Variants in LRMDA observed in about 807,000 individuals in gnomAD.
The protein encoded by LRMDA is leucine-rich melanocyte differentiation-associated protein.
LRMDA carries 18 observed loss-of-function variants against 29.8 expected under a neutral mutation model. The observed-to-expected ratio is 0.60, with a 90% CI of 0.42 to 0.90. The LOEUF is 0.90. Ranked by LOEUF, LRMDA falls within the 40% of genes least tolerant of loss-of-function variation. LRMDA has a pLI of 0.00. For missense variants in LRMDA, 273 were observed against 273.9 expected (o/e 1.00, Z 0.02); for synonymous variants, 125 against 109.4 (o/e 1.14, Z -0.89).
At chr10:75,772,203 G>A (rs1372393338) in intron 2 of LRMDA, among the ~76,000 whole-genome samples, 1 of 152,110 alleles carries the variant, frequency 6.6e-6, no homozygotes, top group African/African-American at 2.4e-5. Flanking sequence ...TTTACTTCAT[G>A]TTTGCTTTTA....
intron 5 of LRMDA, among the ~76,000 whole-genome samples, chr10:76,177,411 A>C (rs202115366): frequency 1.3e-5 from 2 of 151,284 alleles, no homozygotes; most frequent in Non-Finnish European, 3.0e-5. Flanking sequence ...CAAAAAAAAA[A>C]CAACAAAAAA....
chr10:75,520,063 G>C (rs1294923621), intron 2 of LRMDA, among the ~76,000 whole-genome samples: 1 of 152,110 alleles, frequency 6.6e-6, no homozygotes, highest in Non-Finnish European at 1.5e-5. Flanking sequence ...TAGTCTGATG[G>C]GCTTCCCTTT....
intron 2 of LRMDA, among the ~76,000 whole-genome samples, chr10:76,010,169 T>C (rs530591738): frequency 6.6e-6 from 1 of 152,274 alleles, no homozygotes; most frequent in Admixed American, 6.5e-5. Context: ...AGAGGCAAGC[T>C]GGTGGCCTTA....
chr10:75,623,267 G>T (rs1403143462), intron 2 of LRMDA, among the ~76,000 whole-genome samples: 1 of 152,226 alleles, frequency 6.6e-6, no homozygotes, highest in Non-Finnish European at 1.5e-5. Flanking sequence ...CAGCCTGGCA[G>T]AGCTTTCTTC....
chr10:76,289,953 C>G (rs993088315), intron 5 of LRMDA, among the ~76,000 whole-genome samples: 1 of 152,246 alleles, frequency 6.6e-6, no homozygotes, highest in Non-Finnish European at 1.5e-5. Flanking sequence ...TGAGGGGGAG[C>G]ATTTACATCA....
chr10:75,882,607 G>C (rs1448269521), intron 2 of LRMDA: 1 of 152,334 alleles, frequency 6.6e-6, no homozygotes, highest in Non-Finnish European at 1.5e-5. Context: ...ATGAATCAGA[G>C]GTGACATCCA....
At chr10:76,368,482 A>G (rs528618107) in intron 6 of LRMDA, among the ~76,000 whole-genome samples, 3 of 151,910 alleles carry the variant, frequency 2.0e-5, no homozygotes, top group Non-Finnish European at 2.9e-5. Context: ...TATAATTTCA[A>G]TTTTCTTAAA....
intron 2 of LRMDA, among the ~76,000 whole-genome samples, chr10:75,991,696 ATGT>A (rs548116805): frequency 9.0e-4 from 137 of 152,348 alleles, no homozygotes; most frequent in African/African-American, 3.1e-3. Flanking sequence ...GGAAGTAGTG[ATGT>A]TGTGTCTCAC....
chr10:75,817,500 A>G (rs1428797923), intron 2 of LRMDA, among the ~76,000 whole-genome samples: 4 of 152,212 alleles, frequency 2.6e-5, no homozygotes, highest in Non-Finnish European at 5.9e-5. Context: ...ATGAAGGGGG[A>G]AAATATGTGC....
chr10:75,814,445 T>C lies in LRMDA; in HGVS notation c.132-221563T>C, dbSNP rs558389599. Among the ~76,000 whole-genome samples the C allele has an allele frequency of 9.8e-5, 15 of 152,364 alleles. No homozygotes were observed. The South Asian group carries it at 3.1e-3, about 32-fold the overall frequency. On this transcript the variant is annotated intron_variant, in intron 2 of 6. Transcript: ENST00000611255. The stretch of plus-strand genomic sequence containing the variant: ...AACACTTGTAGCATACATACTAGTG[T>C]GCTCTCCTAAAGGGGGAAATAATTT...
chr10:75,550,738 C>A (rs1840131517), intron 2 of LRMDA, among the ~76,000 whole-genome samples: 1 of 151,996 alleles, frequency 6.6e-6, no homozygotes, highest in Non-Finnish European at 1.5e-5. Context: ...CTATTTCCTT[C>A]TTTTCCTGCC....
intron 5 of LRMDA, among the ~76,000 whole-genome samples, chr10:76,211,134 T>C (rs1220482321): frequency 6.6e-6 from 1 of 152,188 alleles, no homozygotes; most frequent in African/African-American, 2.4e-5. Flanking sequence ...ACTTTTCACC[T>C]TCCATGTCTT....
chr10:75,829,841 C>CTTTTTTTTTT (rs34025294), intron 2 of LRMDA, among the ~76,000 whole-genome samples: 5 of 89,472 alleles, frequency 5.6e-5, no homozygotes, highest in African/African-American at 8.3e-5. Flanking sequence ...GAATAGGCCA[C>CTTTTTTTTTT]TTTTTTTTTT....
intron 6 of LRMDA, among the ~76,000 whole-genome samples, chr10:76,337,772 G>A (rs1019447455): frequency 6.6e-6 from 1 of 152,100 alleles, no homozygotes; most frequent in Non-Finnish European, 1.5e-5. Flanking sequence ...AAGAGGGTGT[G>A]AGGGAATATT....
chr10:75,560,682 G>A (rs1461416784), intron 2 of LRMDA, among the ~76,000 whole-genome samples: 3 of 149,892 alleles, frequency 2.0e-5, no homozygotes, highest in African/African-American at 7.3e-5. Context: ...GTCATAGATA[G>A]CTCTTATTAT....
intron 5 of LRMDA, among the ~76,000 whole-genome samples, chr10:76,120,186 T>C (rs1474023640): frequency 2.1e-5 from 3 of 140,558 alleles, no homozygotes; most frequent in Non-Finnish European, 4.5e-5. Flanking sequence ...CAGGTATGTG[T>C]TGATTTTTTT....
At chr10:75,448,468 G>T (rs957711059) in intron 2 of LRMDA, among the ~76,000 whole-genome samples, 1 of 152,150 alleles carries the variant, frequency 6.6e-6, no homozygotes, top group Admixed American at 6.5e-5. Flanking sequence ...TGGTGATTTG[G>T]GGGTGTTAGG....
intron 2 of LRMDA, among the ~76,000 whole-genome samples, chr10:75,774,799 C>T (rs974834282): frequency 2.0e-5 from 3 of 152,182 alleles, no homozygotes; most frequent in African/African-American, 4.8e-5. Flanking sequence ...GTACCCACGG[C>T]AGTTTTCCCA....
chr10:75,750,149 T>C (rs1842937820), intron 2 of LRMDA, among the ~76,000 whole-genome samples: 1 of 152,204 alleles, frequency 6.6e-6, no homozygotes, highest in African/African-American at 2.4e-5. Context: ...TGGGTACACC[T>C]CCCAGACGGG....
Sources: gnomAD v4.1 joint callset for allele counts (sites outside exome capture counted in the v4.1 genomes callset) on GRCh38, gnomAD v4.1.1 for gene constraint, MANE v1.5 for transcripts, NCBI Gene and HGNC (gene_info 2026-07-23, HGNC 2026-07-21) for gene names.